The following RAB3C variants were observed in gnomAD, a reference collection of about 807,000 sequenced individuals.
RAB3C encodes the protein RAB3C, member RAS oncogene family.
RAB3C carries 17 observed loss-of-function variants against 26.4 expected under a neutral mutation model. The observed-to-expected ratio is 0.64, with a 90% confidence interval of 0.44 to 0.97. RAB3C has a LOEUF of 0.97. Among genes scored for constraint, RAB3C ranks in the 50% least tolerant of loss-of-function variants. The probability of loss-of-function intolerance (pLI) is 0.00; values close to 1 mark genes in which losing one functional copy is unlikely to be tolerated. For missense variants in RAB3C, 242 were observed against 281.9 expected, an observed-to-expected ratio of 0.86 and a Z score of 1.01; for synonymous variants, 91 against 95.9, an observed-to-expected ratio of 0.95 and a Z score of 0.30.
chr5:58,589,839 T>C (rs537877082), intron 1 of RAB3C, among the ~76,000 whole-genome samples: 2 of 152,282 alleles, frequency 1.3e-5, no homozygotes, highest in South Asian at 4.1e-4. Context: ...CTTTCTCTCA[T>C]TGAATTTAGA....
At chr5:58,620,000 C>A (rs1243833011) in intron 2 of RAB3C, among the ~76,000 whole-genome samples, 1 of 151,970 alleles carries the variant, frequency 6.6e-6, no homozygotes, top group Non-Finnish European at 1.5e-5. Flanking sequence ...TGCTCAGTTT[C>A]CATAAGTTCA....
chr5:58,658,627 A>G (rs1386170750), intron 2 of RAB3C, among the ~76,000 whole-genome samples: 1 of 152,154 alleles, frequency 6.6e-6, no homozygotes, highest in Non-Finnish European at 1.5e-5. Flanking sequence ...TCCTTAGCCT[A>G]CTATTCTGTG....
chr5:58,714,226 C>T (rs1346356987), intron 2 of RAB3C, among the ~76,000 whole-genome samples: 3 of 152,146 alleles, frequency 2.0e-5, no homozygotes, highest in Admixed American at 1.3e-4. Flanking sequence ...GTCATGAGGT[C>T]TTTATCACAA....
chr5:58,739,222 A>G (rs190772559), intron 3 of RAB3C, among the ~76,000 whole-genome samples: 1 of 152,322 alleles, frequency 6.6e-6, no homozygotes, highest in East Asian at 1.9e-4. Context: ...CTCATGATAC[A>G]TGTTATTGAC....
upstream of RAB3C, chr5:58,582,311 C>G: frequency 1.3e-6 from 1 of 743,806 alleles, no homozygotes. Context: ...TGTGTTGTGC[C>G]TTTTCATTTT....
At chr5:58,665,539 G>T (rs769127027) in intron 2 of RAB3C, among the ~76,000 whole-genome samples, 3 of 152,138 alleles carry the variant, frequency 2.0e-5, no homozygotes, top group Non-Finnish European at 4.4e-5. Flanking sequence ...TAGTACCAAA[G>T]AAAGGTACTA....
intron 3 of RAB3C, among the ~76,000 whole-genome samples, chr5:58,761,260 A>C (rs1261647384): frequency 6.6e-6 from 1 of 152,216 alleles, no homozygotes; most frequent in Admixed American, 6.5e-5. Flanking sequence ...TATTTATTTT[A>C]GTAAAATATA....
chr5:58,687,033 A>G (rs995294963), intron 2 of RAB3C, among the ~76,000 whole-genome samples: 1 of 152,104 alleles, frequency 6.6e-6, no homozygotes, highest in Non-Finnish European at 1.5e-5. Flanking sequence ...GAGCTCAAGG[A>G]CTTTTTCCTT....
intron 2 of RAB3C, among the ~76,000 whole-genome samples, chr5:58,635,749 A>G (rs1747277130): frequency 6.6e-6 from 1 of 152,170 alleles, no homozygotes; most frequent in African/African-American, 2.4e-5. Context: ...AGGAAGGAAG[A>G]TAAATACTGT....
In RAB3C at chr5:58,594,851, C is replaced by CTTT. The variant is rs368470766; in HGVS notation, c.24+11633_24+11635dup. On this transcript the variant is annotated intron_variant, in intron 1 of 4. Coordinates refer to ENST00000282878, the MANE Select transcript of RAB3C (RefSeq NM_138453.4). ...AAATGTATTAATATTAACATGTAGG[C>CTTT]TTTTTTTTTTTTTTTTACCCCAGTG... Among the ~76,000 whole-genome samples, 689 of 133,184 alleles carry CTTT rather than the reference C, an allele frequency of 5.2e-3. 9 individuals are homozygous for CTTT. The highest frequency in any genetic ancestry group is 0.037 in the East Asian group (165 of 4,514). The allele number at this position is 133,184 out of a possible 152,430, so 87.4% of individuals were successfully genotyped here.
chr5:58,617,862 C>T lies in RAB3C; in HGVS notation c.244C>T (p.Gln82Ter). 1.2e-6 allele frequency: 2 copies of T among 1,605,702 alleles called. No individual in the cohort carries two copies. Among genetic ancestry groups the T allele is most frequent in the Non-Finnish European group, 1.7e-6 (2 of 1,173,986 alleles). ...CAAAAATGAAAAGAGAATCAAGCTT[C>T]AGATTTGGGTAAGTGGCTTTGAACT... ...VFKNEKRIKL[Q>*]IWDTAGQERY... The change falls in exon 2 of 5, where the codon CAG (glutamine) becomes TAG (stop). Residue 82 changes from glutamine (Q) to a stop codon, truncating the protein, a stop_gained. Transcript: ENST00000282878. LOFTEE classifies it high-confidence loss of function.
rs1288976344 is a variant in RAB3C at position 58,852,620 on chromosome 5, G to A, written c.*1269G>A. 4 of 152,066 alleles carry A rather than the reference G, an allele frequency of 2.6e-5. No homozygotes were observed. The highest frequency in any genetic ancestry group is 4.4e-5 in the Non-Finnish European group (3 of 68,022). 9.4% of individuals were successfully genotyped at this position (152,066 alleles called of 1,614,324 possible). A position where few individuals can be genotyped will look rare whatever the true frequency, so the allele number is the denominator to read the frequency against. ...ATCCATAGCAATTTAAAAGAGGGAG[G>A]AAACCACTGGAGCATTCTAATTTTG... On this transcript the variant is annotated 3_prime_UTR_variant, in exon 5 of 5. Transcript: ENST00000282878.
At chr5:58,611,236 G>A (rs1325644394) in intron 1 of RAB3C, among the ~76,000 whole-genome samples, 3 of 143,228 alleles carry the variant, frequency 2.1e-5, no homozygotes, top group Admixed American at 7.1e-5. Context: ...GGTCCTTTGG[G>A]TATATACCCA....
chr5:58,625,339 A>T (rs1033751029), intron 2 of RAB3C, among the ~76,000 whole-genome samples: 2 of 152,240 alleles, frequency 1.3e-5, no homozygotes, highest in African/African-American at 2.4e-5. Flanking sequence ...AACTCTTTAT[A>T]CTGCTTATAG....
chr5:58,643,557 T>C (rs1415631228), intron 2 of RAB3C, among the ~76,000 whole-genome samples: 2 of 152,128 alleles, frequency 1.3e-5, no homozygotes, highest in Non-Finnish European at 2.9e-5. Flanking sequence ...ACACCTGTAA[T>C]CCCAGCTGCT....
At chr5:58,798,794 A>G (rs1459797199) in intron 3 of RAB3C, among the ~76,000 whole-genome samples, 1 of 152,224 alleles carries the variant, frequency 6.6e-6, no homozygotes, top group Non-Finnish European at 1.5e-5. Context: ...AGTTTAGATA[A>G]GGTATACTAA....
intron 4 of RAB3C, among the ~76,000 whole-genome samples, chr5:58,827,695 A>G (rs968985817): frequency 1.3e-5 from 2 of 152,180 alleles, no homozygotes; most frequent in Admixed American, 6.5e-5. Context: ...TCTCTATTCA[A>G]TAAAAACCCA....
rs546838352 is a variant in RAB3C, at chr5:58,771,223, C to G, written c.371+45103C>G. ...ATTGCTTGTTGGAGAAGGGACAATG[C>G]TAGATACCAGATGAATAATTATGAT... On this transcript the variant is annotated intron_variant, in intron 3 of 4. Transcript: ENST00000282878. Among the ~76,000 whole-genome samples, 4 of 152,026 alleles carry G rather than the reference C, an allele frequency of 2.6e-5. No individual in the cohort carries two copies. In the South Asian group the frequency reaches 8.3e-4, roughly 32 times the overall value.
chr5:58,758,463 TAC>T (rs1741723037), intron 3 of RAB3C, among the ~76,000 whole-genome samples: 1 of 152,174 alleles, frequency 6.6e-6, no homozygotes. Flanking sequence ...ATGTGTTATG[TAC>T]AGAGATTTGA....
Sources: gnomAD v4.1 joint callset for allele counts (sites outside exome capture counted in the v4.1 genomes callset) on GRCh38, gnomAD v4.1.1 for gene constraint, MANE v1.5 for transcripts, NCBI Gene and HGNC (gene_info 2026-07-23, HGNC 2026-07-21) for gene names.